Variants in ATP8B1 observed in about 807,000 individuals in gnomAD.
The protein encoded by ATP8B1 is phospholipid-transporting ATPase IC.
In ATP8B1, 80 loss-of-function variants were observed where a neutral mutation model predicts 149.9. The ratio of observed to expected loss-of-function variants is 0.53; its 90% CI spans 0.45 to 0.64. The LOEUF is 0.64. Ranked by LOEUF, ATP8B1 falls within the 30% of genes least tolerant of loss-of-function variation. ATP8B1 has a pLI of 0.00. For missense variants in ATP8B1, 1,247 were observed against 1,552.6 expected (o/e 0.80, Z 3.31); for synonymous variants, 536 against 562.8 (o/e 0.95, Z 0.67).
intron 13 of ATP8B1, 110 bp from the exon 14 acceptor site, chr18:57,685,225 ACAG>A: frequency 1.7e-6 from 2 of 1,159,304 alleles, no homozygotes; most frequent in Non-Finnish European, 2.5e-6. Context: ...TACGGCCTGG[ACAG>A]GCTAAAATAT....
chr18:57,704,243 T>C lies in ATP8B1; in HGVS notation c.393+312A>G, dbSNP rs138079170. ...TCGGCCTCCCAAAGTGCTGGGATTA[T>C]AGGCGTGGGCCACTGAGCCTGGCTG... On this transcript the variant is annotated intron_variant, in intron 4 of 27. Transcript: ENST00000648908. Among the ~76,000 whole-genome samples, 1,193 of 152,298 alleles carry C rather than the reference T, an allele frequency of 7.8e-3. 16 individuals carry two copies. The highest frequency in any genetic ancestry group is 0.027 in the African/African-American group (1,114 of 41,568).
At chr18:57,760,004 C>T (rs2080132575) in intron 1 of ATP8B1, among the ~76,000 whole-genome samples, 1 of 152,124 alleles carries the variant, frequency 6.6e-6, no homozygotes, top group Admixed American at 6.5e-5. Flanking sequence ...CTCACTTTGT[C>T]ACTAGCACCC....
intron 27 of ATP8B1, 117 bp downstream of exon 27, chr18:57,650,250 G>T (rs1909514106): frequency 1.5e-6 from 2 of 1,346,372 alleles, no homozygotes; most frequent in Non-Finnish European, 1.0e-6. Flanking sequence ...AAGCAATCAT[G>T]AAAAATCATT....
chr18:57,677,847 C>T (rs990686485), intron 15 of ATP8B1, among the ~76,000 whole-genome samples: 2 of 152,074 alleles, frequency 1.3e-5, no homozygotes, highest in Non-Finnish European at 2.9e-5. Flanking sequence ...TGACAGCAAA[C>T]GCATTTCCAG....
At chr18:57,677,528 C>T (rs890519125) in intron 15 of ATP8B1, among the ~76,000 whole-genome samples, 22 of 146,044 alleles carry the variant, frequency 1.5e-4, no homozygotes, top group South Asian at 2.2e-4. Flanking sequence ...TCTGGGGTAA[C>T]GGTGGCAGAG....
chr18:57,732,181 G>GTATGTA (rs2079780304), intron 1 of ATP8B1, among the ~76,000 whole-genome samples: 3 of 99,668 alleles, frequency 3.0e-5, no homozygotes, highest in African/African-American at 1.1e-4. Flanking sequence ...GTATATATGT[G>GTATGTA]TATATATGTA....
At position 57,646,924 on chromosome 18, in the gene ATP8B1, G is replaced by A. The variant is rs1045409855; in HGVS notation, c.*1564C>T. The A allele has an allele frequency of 1.3e-5, 2 of 152,464 alleles. No homozygotes were observed. Among genetic ancestry groups the A allele is most frequent in the African/African-American group, 2.4e-5 (1 of 41,568 alleles). The allele number at this position is 152,464 out of a possible 1,614,324, so 9.4% of individuals were successfully genotyped here. ...GTGAAAGACACAGAATGAGAAAAAT[G>A]TCTGGAAAAAAATTACTTTCTCCTC... On this transcript the variant is annotated 3_prime_UTR_variant, in exon 28 of 28. Transcript: ENST00000648908.
intron 2 of ATP8B1, among the ~76,000 whole-genome samples, chr18:57,707,724 G>A (rs1913479771): frequency 6.6e-6 from 1 of 151,406 alleles, no homozygotes; most frequent in Non-Finnish European, 1.5e-5. Context: ...GGCCAGTCTG[G>A]TCTTGAACTT....
At chr18:57,681,540 C>T (rs780160268) in intron 15 of ATP8B1, among the ~76,000 whole-genome samples, 12 of 152,206 alleles carry the variant, frequency 7.9e-5, no homozygotes, top group African/African-American at 1.9e-4. Context: ...GTGGCTCACG[C>T]GTGTAATCCC....
At chr18:57,705,029 C>T (rs944252905) in intron 3 of ATP8B1, among the ~76,000 whole-genome samples, 1 of 152,046 alleles carries the variant, frequency 6.6e-6, no homozygotes, top group Non-Finnish European at 1.5e-5. Context: ...AGTTGCAGAT[C>T]GCCCCACTGC....
rs1324867435 is a variant in ATP8B1, at chr18:57,688,470, T to A, written c.1258A>T (p.Asn420Tyr). 1 of 1,614,190 alleles carries A rather than the reference T, an allele frequency of 6.2e-7. No homozygotes were observed. The highest frequency in any genetic ancestry group is 8.5e-7 in the Non-Finnish European group (1 of 1,180,034). Reference sequence around the variant, plus strand: ...GCATAGTACATTTGCAGGTCCCAGTTGATGAAGTGACTCTGTCCAAGACGA... The same window carrying A: ...GCATAGTACATTTGCAGGTCCCAGTAGATGAAGTGACTCTGTCCAAGACGA... Reference protein sequence around the residue: ...VIRLGQSHFINWDLQMYYAEK... With the variant: ...VIRLGQSHFIYWDLQMYYAEK... The change falls in exon 13 of 28, where the codon AAC (asparagine) becomes TAC (tyrosine). Residue 420 changes from asparagine to tyrosine, a missense_variant. Asn to Tyr is a moderately radical substitution (Grantham distance 143). This residue lies in a region of ATP8B1 where 853 missense variants were observed against 1,035.7 expected (regional missense o/e 0.82). Transcript: ENST00000648908.
intron 19 of ATP8B1, chr18:57,667,918 T>C: frequency 2.8e-6 from 1 of 356,558 alleles, no homozygotes; most frequent in Non-Finnish European, 4.7e-6. Context: ...TTTGATTTCT[T>C]GTGGAAGGCT....
At chr18:57,674,647 A>G (rs922842759) in intron 16 of ATP8B1, among the ~76,000 whole-genome samples, 187 bp downstream of exon 16, 2 of 152,030 alleles carry the variant, frequency 1.3e-5, no homozygotes, top group African/African-American at 4.8e-5. Flanking sequence ...CGGCCTCCCA[A>G]AGTGCTGGGA....
At chr18:57,665,116 C>A (rs1457268908) in intron 20 of ATP8B1, among the ~76,000 whole-genome samples, 3 of 151,440 alleles carry the variant, frequency 2.0e-5, no homozygotes, top group African/African-American at 7.3e-5. Context: ...CAAACTCACT[C>A]CCCACGGAGA....
At chr18:57,669,617 C>A in intron 17 of ATP8B1, 135 bp from the exon 18 acceptor site, 1 of 867,312 alleles carries the variant, frequency 1.2e-6, no homozygotes, top group Non-Finnish European at 1.8e-6. Flanking sequence ...ATGACAGATT[C>A]TGTACAAATA....
In ATP8B1 at chr18:57,671,467, C is replaced by T. The variant is rs1568188537; in HGVS notation, c.1932+1G>A. 4.4e-6 allele frequency: 7 copies of T among 1,605,040 alleles called. No individual in the cohort carries two copies. The highest frequency in any genetic ancestry group is 6.0e-6 in the Non-Finnish European group (7 of 1,171,742). On this transcript the variant is annotated splice_donor_variant, in intron 17 of 27. Coordinates refer to ENST00000648908, the MANE Select transcript of ATP8B1 (RefSeq NM_001374385.1). LOFTEE classifies it high-confidence loss of function. ...GCAGAAAGAATAAAAGTGAAACTTA[C>T]ATCCAGGGCATCCTGTGTTTCTTGC...
chr18:57,704,798 T>C (rs1413922587), intron 3 of ATP8B1, 130 bp from the exon 4 acceptor site: 22 of 716,774 alleles, frequency 3.1e-5, no homozygotes, highest in Non-Finnish European at 5.1e-5. Context: ...ATATTGAGGA[T>C]TTTGTCTGGG....
At chr18:57,762,138 TA>T (rs2080163949) in intron 1 of ATP8B1, among the ~76,000 whole-genome samples, 1 of 78,384 alleles carries the variant, frequency 1.3e-5, no homozygotes, top group African/African-American at 6.2e-5. Flanking sequence ...TATATATATA[TA>T]TATTTTTTTT....
chr18:57,650,683 A>C (rs1314497508), intron 26 of ATP8B1, among the ~76,000 whole-genome samples, 186 bp from the exon 27 acceptor site: 2 of 152,104 alleles, frequency 1.3e-5, no homozygotes, highest in Admixed American at 1.3e-4. Context: ...TCTCTACTAA[A>C]ATACAAAAAA....
Sources: gnomAD v4.1 joint callset for allele counts (sites outside exome capture counted in the v4.1 genomes callset) on GRCh38, gnomAD v4.1.1 for gene constraint, gnomAD v4.1.1 regional missense constraint, MANE v1.5 for transcripts, NCBI Gene and HGNC (gene_info 2026-07-23, HGNC 2026-07-21) for gene names.